The following MEOX2 variants were observed in gnomAD, a reference collection of about 807,000 sequenced individuals.
MEOX2 encodes mesenchyme homeobox 2.
A neutral mutation model predicts 27.0 loss-of-function variants in MEOX2; 11 were observed. The ratio of observed to expected loss-of-function variants is 0.41; its 90% CI spans 0.26 to 0.68. The LOEUF (loss-of-function observed/expected upper bound fraction) is 0.68, where lower values mean the gene tolerates loss of function less well. Among genes scored for constraint, MEOX2 ranks in the 30% least tolerant of loss-of-function variants. The pLI, the probability that MEOX2 is intolerant of heterozygous loss-of-function variation, is 0.33. For missense variants in MEOX2, 436 were observed against 385.4 expected, an observed-to-expected ratio of 1.13 and a Z score of -1.10; for synonymous variants, 189 against 155.4, an observed-to-expected ratio of 1.22 and a Z score of -1.61.
intron 1 of MEOX2, among the ~76,000 whole-genome samples, chr7:15,664,640 T>C (rs534041062): frequency 7.2e-5 from 11 of 152,302 alleles, no homozygotes; most frequent in South Asian, 6.2e-4. Flanking sequence ...GGCTAATTCA[T>C]TGGGTGGGGG....
At chr7:15,613,273 G>C (rs114661141) in intron 2 of MEOX2, among the ~76,000 whole-genome samples, 1,727 of 151,758 alleles carry the variant, frequency 0.011, 36 homozygotes, top group African/African-American at 0.039. Context: ...CTAACACCAA[G>C]ATTATATACT....
intron 2 of MEOX2, among the ~76,000 whole-genome samples, chr7:15,615,308 G>C (rs940292418): frequency 2.6e-5 from 4 of 151,982 alleles, no homozygotes; most frequent in African/African-American, 9.7e-5. Context: ...CTGGTGCCAG[G>C]ATTTAAACGT....
intron 1 of MEOX2, among the ~76,000 whole-genome samples, chr7:15,682,671 T>A (rs1428163879): frequency 6.6e-6 from 1 of 151,896 alleles, no homozygotes; most frequent in East Asian, 1.9e-4. Flanking sequence ...TTTAGTTATT[T>A]TAACTAAAAC....
At chr7:15,662,115 T>G (rs183654769) in intron 1 of MEOX2, among the ~76,000 whole-genome samples, 1 of 122,318 alleles carries the variant, frequency 8.2e-6, no homozygotes, top group Non-Finnish European at 1.6e-5. Context: ...TTACTGGTGT[T>G]GACTAGGAAA....
chr7:15,660,209 G>C (rs1781890744), intron 1 of MEOX2, among the ~76,000 whole-genome samples: 1 of 152,146 alleles, frequency 6.6e-6, no homozygotes, highest in African/African-American at 2.4e-5. Context: ...AAACACAAAA[G>C]AGCACAGAAT....
At chr7:15,626,697 G>A in intron 2 of MEOX2, 49 bp downstream of exon 2, 1 of 1,381,422 alleles carries the variant, frequency 7.2e-7, no homozygotes, top group Non-Finnish European at 1.0e-6. Context: ...GAAGACTGTG[G>A]ACCCAGGGCA....
chr7:15,675,917 CTT>C (rs1245841905), intron 1 of MEOX2: 1 of 152,112 alleles, frequency 6.6e-6, no homozygotes, highest in African/African-American at 2.4e-5. Context: ...TTAAACTTCT[CTT>C]GTTTTAGGGA....
intron 1 of MEOX2, among the ~76,000 whole-genome samples, chr7:15,630,139 C>T (rs1781379191): frequency 6.6e-6 from 1 of 152,050 alleles, no homozygotes. Flanking sequence ...GGTCCATTCA[C>T]ACACTCTCTC....
chr7:15,646,417 T>C (rs957672992), intron 1 of MEOX2, among the ~76,000 whole-genome samples: 8 of 152,070 alleles, frequency 5.3e-5, no homozygotes, highest in African/African-American at 1.9e-4. Flanking sequence ...TACTTCTTCC[T>C]GCTCTGGAAT....
At chr7:15,679,544 A>G (rs937723727) in intron 1 of MEOX2, 3 of 152,120 alleles carry the variant, frequency 2.0e-5, no homozygotes, top group Admixed American at 6.5e-5. Context: ...ACAGCTTTTG[A>G]ATTTAGAGCT....
chr7:15,619,390 T>C (rs1192980535), intron 2 of MEOX2, among the ~76,000 whole-genome samples: 1 of 152,072 alleles, frequency 6.6e-6, no homozygotes, highest in Non-Finnish European at 1.5e-5. Context: ...AACATTATTG[T>C]TAATTTGTTG....
intron 2 of MEOX2, 55 bp from the exon 3 acceptor site, chr7:15,612,666 A>ATT: frequency 6.7e-7 from 1 of 1,500,794 alleles, no homozygotes; most frequent in South Asian, 1.1e-5. Flanking sequence ...TTAAAGTGAC[A>ATT]TTTTTTTCTC....
At chr7:15,643,048 T>C (rs1781587447) in intron 1 of MEOX2, among the ~76,000 whole-genome samples, 1 of 152,198 alleles carries the variant, frequency 6.6e-6, no homozygotes, top group Non-Finnish European at 1.5e-5. Context: ...TCAACAATTA[T>C]ATTGGGTCAT....
chr7:15,668,720 C>T (rs1453850963), intron 1 of MEOX2, among the ~76,000 whole-genome samples: 1 of 152,070 alleles, frequency 6.6e-6, no homozygotes, highest in Non-Finnish European at 1.5e-5. Flanking sequence ...AGATGATCCG[C>T]TCGCCTCAGC....
At chr7:15,656,430 T>C (rs1781822501) in intron 1 of MEOX2, among the ~76,000 whole-genome samples, 1 of 151,302 alleles carries the variant, frequency 6.6e-6, no homozygotes. Flanking sequence ...TGGTTTTTCA[T>C]GTTTTTCTTT....
At chr7:15,617,035 A>T (rs1276429481) in intron 2 of MEOX2, among the ~76,000 whole-genome samples, 4 of 152,034 alleles carry the variant, frequency 2.6e-5, no homozygotes, top group Non-Finnish European at 5.9e-5. Context: ...ATGAATCTGT[A>T]TTGTCACACA....
intron 2 of MEOX2, among the ~76,000 whole-genome samples, chr7:15,612,852 T>G (rs2237494): frequency 0.49 from 74,392 of 152,022 alleles, 19,543 homozygotes; most frequent in Non-Finnish European, 0.6. Flanking sequence ...CAGCATACAA[T>G]GTAAAATATG....
At chr7:15,673,828 G>C (rs1261605773) in intron 1 of MEOX2, among the ~76,000 whole-genome samples, 5 of 152,062 alleles carry the variant, frequency 3.3e-5, no homozygotes, top group African/African-American at 9.7e-5. Flanking sequence ...TAGAAAACTT[G>C]AATGTAGCTA....
intron 1 of MEOX2, among the ~76,000 whole-genome samples, chr7:15,664,109 T>C (rs955320719): frequency 6.6e-6 from 1 of 152,232 alleles, no homozygotes; most frequent in East Asian, 1.9e-4. Context: ...CAGTTGGCTG[T>C]ACTTAAAGAC....
Sources: allele counts gnomAD v4.1 joint callset (sites outside exome capture counted in the v4.1 genomes callset), GRCh38; gene constraint gnomAD v4.1.1; transcripts MANE v1.5; gene names NCBI Gene and HGNC (gene_info 2026-07-23, HGNC 2026-07-21).